Variants in NAALAD2 observed in about 807,000 individuals in gnomAD.
The protein encoded by NAALAD2 is N-acetylated-alpha-linked acidic dipeptidase 2.
NAALAD2 carries 89 observed loss-of-function variants against 95.6 expected under a neutral mutation model. The observed-to-expected ratio is 0.93, with a 90% CI of 0.78 to 1.11. The LOEUF (loss-of-function observed/expected upper bound fraction) is 1.11, where lower values mean the gene tolerates loss of function less well. Among genes scored for constraint, NAALAD2 ranks in the 50% least tolerant of loss-of-function variants. NAALAD2 has a pLI of 0.00. For synonymous variants in NAALAD2, 264 were observed against 294.4 expected (o/e 0.90, Z 1.06); for missense variants, 894 against 872.4 (o/e 1.02, Z -0.31).
chr11:90,187,885 C>T (rs779627698), intron 18 of NAALAD2, among the ~76,000 whole-genome samples: 1 of 152,074 alleles, frequency 6.6e-6, no homozygotes, highest in Non-Finnish European at 1.5e-5. Flanking sequence ...ATGTACATTA[C>T]ATATGTATGT....
At chr11:90,152,611 T>TA in intron 6 of NAALAD2, 127 bp downstream of exon 6, 1 of 618,278 alleles carries the variant, frequency 1.6e-6, no homozygotes, top group Non-Finnish European at 2.6e-6. Flanking sequence ...CATTTTGGAT[T>TA]ACTGCTGCTA....
At chr11:90,137,542 G>A (rs948732527) in intron 2 of NAALAD2, among the ~76,000 whole-genome samples, 4 of 152,036 alleles carry the variant, frequency 2.6e-5, no homozygotes, top group African/African-American at 7.2e-5. Context: ...GTCTATTCAC[G>A]GCTTTGGCTT....
chr11:90,150,675 A>G (rs1951867743), intron 5 of NAALAD2, 68 bp downstream of exon 5: 1 of 1,311,412 alleles, frequency 7.6e-7, no homozygotes, highest in Admixed American at 2.7e-5. Context: ...TAAATGACCA[A>G]CTTGCTTCTC....
intron 6 of NAALAD2, among the ~76,000 whole-genome samples, chr11:90,154,719 T>G (rs1173764439): frequency 6.6e-6 from 1 of 150,900 alleles, no homozygotes; most frequent in Non-Finnish European, 1.5e-5. Flanking sequence ...TCTATAAATA[T>G]TTGGTAGAAT....
rs1001672418 is a variant in NAALAD2 at position 90,192,742 on chromosome 11, T to C, written c.*995T>C. The C allele has an allele frequency of 6.6e-6, 1 of 152,018 alleles. No homozygotes were observed. Among genetic ancestry groups the C allele is most frequent in the Non-Finnish European group, 1.5e-5 (1 of 67,892 alleles). 9.4% of individuals were successfully genotyped at this position (152,018 alleles called of 1,614,324 possible). A position where few individuals can be genotyped will look rare whatever the true frequency, so the allele number is the denominator to read the frequency against. On this transcript the variant is annotated 3_prime_UTR_variant, in exon 19 of 19. Coordinates refer to ENST00000534061, the MANE Select transcript of NAALAD2 (RefSeq NM_005467.4). ...CTACTGAATAAACATATAAGTCTGATGGGTGATGAAAATAGCTACTACAAT... is the reference window on the plus strand; with the variant it reads ...CTACTGAATAAACATATAAGTCTGACGGGTGATGAAAATAGCTACTACAAT...
At chr11:90,169,700 T>A (rs1952578662) in intron 12 of NAALAD2, 2 of 180,026 alleles carry the variant, frequency 1.1e-5, no homozygotes, top group South Asian at 2.9e-4. Context: ...TGACATGGCT[T>A]TGTCTAATAT....
intron 7 of NAALAD2, chr11:90,158,880 T>C (rs1952202040): frequency 4.7e-6 from 1 of 212,510 alleles, no homozygotes; most frequent in South Asian, 7.9e-5. Context: ...TACAAATACA[T>C]TTCTTCTCCT....
intron 6 of NAALAD2, among the ~76,000 whole-genome samples, chr11:90,157,876 A>G (rs549145901): frequency 6.6e-6 from 1 of 152,080 alleles, no homozygotes; most frequent in African/African-American, 2.4e-5. Context: ...ATGCGCCACC[A>G]CGTCCAGCTA....
In NAALAD2 at chr11:90,191,594, T is replaced by C. The variant is rs749621516; in HGVS notation, c.2070T>C (p.Tyr690=). ...TTGCTCCAAGTAGCCACAACAAATA[T>C]GCTGGAGAATCATTTCCTGGAATCT... ...IIFAPSSHNK[Y]AGESFPGIYD... is the part of the protein sequence containing the mutation. Residue 690 remains tyrosine (Y), a synonymous_variant, in exon 19 of 19, where the codon TAT becomes TAC. Transcript: ENST00000534061. 5 of 1,598,362 alleles carry C rather than the reference T, an allele frequency of 3.1e-6. No individual in the cohort carries two copies. The highest frequency in any genetic ancestry group is 4.3e-6 in the Non-Finnish European group (5 of 1,172,888).
rs916381317 is a variant in NAALAD2 at position 90,191,900 on chromosome 11, T to G, written c.*153T>G. ...GTCTTTTCATCTGCAAAGCCTTTTT[T>G]TTTTGCTCTTTAAAAGTTAATAATT... is the stretch of plus-strand genomic sequence containing the variant. On this transcript the variant is annotated 3_prime_UTR_variant, in exon 19 of 19. Coordinates refer to ENST00000534061, the MANE Select transcript of NAALAD2 (RefSeq NM_005467.4). 2.1e-6 allele frequency: 1 copy of G among 467,916 alleles called. No homozygotes were observed. The highest frequency in any genetic ancestry group is 3.5e-6 in the Non-Finnish European group (1 of 289,852). 29.0% of individuals were successfully genotyped at this position (467,916 alleles called of 1,614,324 possible).
chr11:90,168,686 T>TGCTATTGCTATAAACAGTA (rs1952549255), intron 11 of NAALAD2, among the ~76,000 whole-genome samples: 1 of 152,160 alleles, frequency 6.6e-6, no homozygotes, highest in Non-Finnish European at 1.5e-5. Context: ...TAGGGCTCTC[T>TGCTATTGCTATAAACAGTA]GCTATTGCTA....
At chr11:90,181,878 A>C (rs3740815) in intron 17 of NAALAD2, among the ~76,000 whole-genome samples, 177 bp downstream of exon 17, 63,408 of 151,646 alleles carry the variant, frequency 0.42, 13,589 homozygotes, top group African/African-American at 0.51. Context: ...AATATCAGAC[A>C]CCAACCAAGA....
intron 2 of NAALAD2, among the ~76,000 whole-genome samples, chr11:90,146,759 C>A (rs1364628878): frequency 2.0e-5 from 3 of 152,044 alleles, no homozygotes; most frequent in Non-Finnish European, 4.4e-5. Context: ...CATTTACATC[C>A]AAAACCAAGA....
intron 18 of NAALAD2, among the ~76,000 whole-genome samples, chr11:90,189,074 A>C (rs1293481718): frequency 6.6e-6 from 1 of 152,236 alleles, no homozygotes; most frequent in Non-Finnish European, 1.5e-5. Flanking sequence ...GGTCCTTAAA[A>C]GTCTTCCTGT....
At chr11:90,168,851 G>A in intron 11 of NAALAD2, 78 bp from the exon 12 acceptor site, 2 of 1,198,262 alleles carry the variant, frequency 1.7e-6, no homozygotes, top group Non-Finnish European at 2.4e-6. Flanking sequence ...GCTTTTCCAC[G>A]AAATTAATTT....
At chr11:90,178,442 C>T (rs944632385) in intron 16 of NAALAD2, among the ~76,000 whole-genome samples, 4 of 152,060 alleles carry the variant, frequency 2.6e-5, no homozygotes, top group African/African-American at 7.2e-5. Context: ...GAGGCTGAGG[C>T]GGGCAGATGA....
At position 90,157,150 on chromosome 11, in the gene NAALAD2, A is replaced by G. The variant is rs557278042; in HGVS notation, c.797-995A>G. Among the ~76,000 whole-genome samples the G allele has an allele frequency of 7.2e-4, 109 of 152,296 alleles. 2 individuals carry two copies. The highest frequency in any genetic ancestry group is 4.7e-4 in the Non-Finnish European group (32 of 68,006). On this transcript the variant is annotated intron_variant, in intron 6 of 18. Coordinates refer to ENST00000534061, the MANE Select transcript of NAALAD2 (RefSeq NM_005467.4). ...AGTCTTATATACTTACTGATTTACT[A>G]TCTAATTATATTGTTACAATTTTGT...
At chr11:90,185,206 T>C (rs1416233419) in intron 18 of NAALAD2, among the ~76,000 whole-genome samples, 1 of 151,590 alleles carries the variant, frequency 6.6e-6, no homozygotes, top group Non-Finnish European at 1.5e-5. Flanking sequence ...TCCATAAAAG[T>C]GTACACACAC....
chr11:90,135,781 C>A (rs1489539005), intron 2 of NAALAD2, 111 bp downstream of exon 2: 80 of 674,020 alleles, frequency 1.2e-4, no homozygotes, highest in Non-Finnish European at 1.4e-4. Context: ...TGTGAAATTA[C>A]ATATTAGTCA....
Sources: allele counts gnomAD v4.1 joint callset (sites outside exome capture counted in the v4.1 genomes callset), GRCh38; gene constraint gnomAD v4.1.1; transcripts MANE v1.5; gene names NCBI Gene and HGNC (gene_info 2026-07-23, HGNC 2026-07-21).